The following ZSWIM3 variants were observed in gnomAD, a reference collection of about 807,000 sequenced individuals.
ZSWIM3 encodes zinc finger SWIM domain-containing protein 3.
In ZSWIM3, 27 loss-of-function variants were observed where a neutral mutation model predicts 47.5. The ratio of observed to expected loss-of-function variants is 0.57; its 90% CI spans 0.42 to 0.78. The LOEUF (loss-of-function observed/expected upper bound fraction) is 0.78, where lower values mean the gene tolerates loss of function less well. Among genes scored for constraint, ZSWIM3 ranks in the 30% least tolerant of loss-of-function variants. ZSWIM3 has a pLI of 0.00. For synonymous variants in ZSWIM3, 333 were observed against 333.9 expected (o/e 1.00, Z 0.03); for missense variants, 689 against 861.3 (o/e 0.80, Z 2.50).
Position 45,872,543 on chromosome 20 carries a change from C to T in ZSWIM3, c.156-4171C>T. ...AGAAAAGATAATGGGTGCACGTAGT[C>T]CTGAAGGATGAGCAAGGCTTGCGAG... On this transcript the variant is annotated intron_variant, in intron 1 of 1. Transcript: ENST00000255152. 5 of 399,690 alleles carry T rather than the reference C, an allele frequency of 1.3e-5. 1 individual carries two copies. The highest frequency in any genetic ancestry group is 1.0e-4 in the South Asian group (5 of 49,110). The allele number at this position is 399,690 out of a possible 1,614,324, so 24.8% of individuals were successfully genotyped here.
intron 1 of ZSWIM3, among the ~76,000 whole-genome samples, chr20:45,869,002 A>G (rs946854411): frequency 2.1e-4 from 32 of 150,908 alleles, no homozygotes; most frequent in South Asian, 1.0e-3. Context: ...GGGTTTCACC[A>G]TGTTGGTCAG....
Position 45,878,556 on chromosome 20 carries a change from A to G in ZSWIM3, c.1998A>G (p.Gly666=), listed in dbSNP as rs148099263. The change falls in exon 2 of 2, where the codon GGA becomes GGG. Residue 666 remains glycine, a synonymous_variant. Transcript: ENST00000255152. ...CATCTGAGCTCTTTCAGCAGCCAGGAGACTTTAAGGACGTGGGCCGCCTCC... is the reference window on the plus strand; with the variant it reads ...CATCTGAGCTCTTTCAGCAGCCAGGGGACTTTAAGGACGTGGGCCGCCTCC... ...SQPSELFQQP[G]DFKDVGRLPF... is the part of the protein sequence containing the mutation. 1.9e-6 allele frequency: 3 copies of G among 1,614,186 alleles called. No individual in the cohort carries two copies. Among genetic ancestry groups the G allele is most frequent in the Admixed American group, 1.7e-5 (1 of 60,028 alleles).
chr20:45,862,787 C>A (rs1207486707), intron 1 of ZSWIM3, among the ~76,000 whole-genome samples: 5 of 152,174 alleles, frequency 3.3e-5, no homozygotes, highest in African/African-American at 7.2e-5. Flanking sequence ...GTGCCACGCC[C>A]AGCCTATGTA....
Position 45,876,980 on chromosome 20 carries a change from C to T in ZSWIM3, c.422C>T (p.Ala141Val). Reference protein sequence around the residue: ...QPTTKKDLDTAEKSLVEPSFC... With the variant: ...QPTTKKDLDTVEKSLVEPSFC... ...ACAACCAAAAAAGACCTTGACACTG[C>T]CGAGAAGTCCCTGGTTGAGCCATCG... The change falls in exon 2 of 2, where the codon GCC becomes GTC. Residue 141 changes from alanine (A) to valine (V), a missense_variant. By Grantham distance (64) the Ala-to-Val change is moderately conservative. Transcript: ENST00000255152. 1.9e-6 allele frequency: 3 copies of T among 1,614,110 alleles called. No individual in the cohort carries two copies. The highest frequency in any genetic ancestry group is 2.5e-6 in the Non-Finnish European group (3 of 1,180,036).
chr20:45,873,401 C>CAA (rs1318938457), intron 1 of ZSWIM3, among the ~76,000 whole-genome samples: 32 of 145,800 alleles, frequency 2.2e-4, no homozygotes, highest in Non-Finnish European at 3.9e-4. Context: ...AACGCCATCT[C>CAA]AAAAAAAAAA....
Position 45,873,124 on chromosome 20 carries a change from G to A in ZSWIM3, c.156-3590G>A, listed in dbSNP as rs866320579. On this transcript the variant is annotated intron_variant, in intron 1 of 1. Coordinates refer to ENST00000255152, the MANE Select transcript of ZSWIM3 (RefSeq NM_080752.4). ...ATCATCCATAAGCATCTGCTGAGCC[G>A]GGCGCAGTTGCTCACGCCTGTAATC... is the stretch of plus-strand genomic sequence containing the variant. Among the ~76,000 whole-genome samples, 10 of 151,958 alleles carry A rather than the reference G, an allele frequency of 6.6e-5. 1 individual carries two copies. Among genetic ancestry groups the A allele is most frequent in the African/African-American group, 1.2e-4 (5 of 41,382 alleles).
intron 1 of ZSWIM3, among the ~76,000 whole-genome samples, chr20:45,861,467 G>A (rs1321411162): frequency 6.6e-6 from 1 of 151,486 alleles, no homozygotes; most frequent in Non-Finnish European, 1.5e-5. Context: ...ATGTTTGCAC[G>A]CACATACAAA....
At chr20:45,870,051 AAAAAAAAAAAAAG>A (rs1394058231) in intron 1 of ZSWIM3, among the ~76,000 whole-genome samples, 1 of 149,744 alleles carries the variant, frequency 6.7e-6, no homozygotes, top group Non-Finnish European at 1.5e-5. Context: ...CTCAAGAAAA[AAAAAAAAAAAAAG>A]AAAAGGCCAA....
chr20:45,878,785 A>G lies in ZSWIM3; in HGVS notation c.*136A>G. ...GGGGCTAGGAATATTGTTACAGTAG[A>G]GAGGAAGGGAACTCCACTGTGTGAC... On this transcript the variant is annotated 3_prime_UTR_variant, in exon 2 of 2. Coordinates refer to ENST00000255152, the MANE Select transcript of ZSWIM3 (RefSeq NM_080752.4). 8.7e-7 allele frequency: 1 copy of G among 1,147,410 alleles called. No homozygotes were observed. Among genetic ancestry groups the G allele is most frequent in the Non-Finnish European group, 1.2e-6 (1 of 833,854 alleles). The allele number at this position is 1,147,410 out of a possible 1,614,324, so 71.1% of individuals were successfully genotyped here.
intron 1 of ZSWIM3, chr20:45,872,810 A>C (rs1311826387): frequency 6.2e-6 from 8 of 1,288,710 alleles, no homozygotes; most frequent in Non-Finnish European, 8.1e-6. Context: ...CCACCCCCGC[A>C]CTGTGCACAC....
In ZSWIM3 at chr20:45,877,893, G is replaced by A. The variant is rs752422846; in HGVS notation, c.1335G>A (p.Arg445=). The part of the protein sequence containing the change: ...PTPPPKLKRA[R]PASMPLKSKK... ...CTCCTCCCAAATTAAAGAGAGCTCG[G>A]CCGGCAAGCATGCCACTGAAGTCCA... The change falls in exon 2 of 2, where the codon CGG becomes CGA. Residue 445 remains arginine (R), a synonymous_variant. Transcript: ENST00000255152. 7.4e-5 allele frequency: 119 copies of A among 1,614,038 alleles called. No individual in the cohort carries two copies. Among genetic ancestry groups the A allele is most frequent in the Admixed American group, 2.7e-4 (16 of 59,990 alleles).
rs538127136 is a variant in ZSWIM3 at position 45,860,730 on chromosome 20, T to G, written c.155+2750T>G. 1.9e-3 allele frequency among the ~76,000 whole-genome samples: 290 copies of G among 152,188 alleles called. 2 individuals are homozygous for G. Among genetic ancestry groups the G allele is most frequent in the Non-Finnish European group, 3.7e-3 (249 of 67,990 alleles). On this transcript the variant is annotated intron_variant, in intron 1 of 1. Coordinates refer to ENST00000255152, the MANE Select transcript of ZSWIM3 (RefSeq NM_080752.4). ...CTTTTAAGGATCCTTGTGATTATAT[T>G]GGGCCCACCCAGATAATCCCAGATA...
At position 45,877,830 on chromosome 20, in the gene ZSWIM3, C is replaced by T; in HGVS notation, c.1272C>T (p.Asp424=). The T allele has an allele frequency of 6.2e-7, 1 of 1,614,200 alleles. No homozygotes were observed. The highest frequency in any genetic ancestry group is 1.1e-5 in the South Asian group (1 of 91,086). Residue 424 remains aspartate (D), a synonymous_variant, in exon 2 of 2, where the codon GAC becomes GAT. Coordinates refer to ENST00000255152, the MANE Select transcript of ZSWIM3 (RefSeq NM_080752.4). ...TCCTCTGCTTTGTGGATTACATAGA[C>T]TTCTTTAATACCAAAGGCTTGAAGA... The part of the protein sequence containing the change: ...DCILCFVDYI[D]FFNTKGLKNL...
At chr20:45,860,239 G>C (rs6073932) in intron 1 of ZSWIM3, among the ~76,000 whole-genome samples, 2,138 of 152,268 alleles carry the variant, frequency 0.014, 26 homozygotes, top group Admixed American at 0.021. Context: ...TTCCCGCCGG[G>C]TGCAGTGGCT....
At chr20:45,859,818 C>T (rs1018027059) in intron 1 of ZSWIM3, among the ~76,000 whole-genome samples, 1 of 141,466 alleles carries the variant, frequency 7.1e-6, no homozygotes, top group African/African-American at 2.7e-5. Context: ...AAAAAAAAAC[C>T]ACAGTTGCCC....
rs1182791325 is a variant in ZSWIM3 at position 45,878,946 on chromosome 20, T to C, written c.*297T>C. The C allele has an allele frequency of 3.0e-6, 1 of 334,308 alleles. No individual in the cohort carries two copies. Among genetic ancestry groups the C allele is most frequent in the African/African-American group, 2.1e-5 (1 of 48,012 alleles). 20.7% of individuals were successfully genotyped at this position (334,308 alleles called of 1,614,324 possible). A position where few individuals can be genotyped will look rare whatever the true frequency, so the allele number is the denominator to read the frequency against. On this transcript the variant is annotated 3_prime_UTR_variant, in exon 2 of 2. Transcript: ENST00000255152. The stretch of plus-strand genomic sequence containing the variant: ...CCCAGCCCCTGAGATCAGATCTTAT[T>C]TGCTCTGCAAAGATGAATCCCTGCC...
At chr20:45,859,191 C>A (rs183732048) in intron 1 of ZSWIM3, among the ~76,000 whole-genome samples, 29 of 152,142 alleles carry the variant, frequency 1.9e-4, no homozygotes, top group Admixed American at 6.6e-4. Context: ...TCAGAGCATG[C>A]GGGCCAACTC....
Position 45,878,529 on chromosome 20 carries a change from G to A in ZSWIM3, c.1971G>A (p.Gln657=). 6.2e-7 allele frequency: 1 copy of A among 1,614,184 alleles called. No individual in the cohort carries two copies. Among genetic ancestry groups the A allele is most frequent in the African/African-American group, 1.3e-5 (1 of 75,058 alleles). ...KIVDIWAGPS[Q]PSELFQQPGD... is the part of the protein sequence containing the mutation. ...TGGATATCTGGGCTGGCCCCTCCCA[G>A]CCATCTGAGCTCTTTCAGCAGCCAG... is the stretch of plus-strand genomic sequence containing the variant. Residue 657 remains glutamine, a synonymous_variant, in exon 2 of 2, where the codon CAG becomes CAA. Transcript: ENST00000255152.
At chr20:45,876,349 G>T (rs1986092694) in intron 1 of ZSWIM3, among the ~76,000 whole-genome samples, 1 of 144,052 alleles carries the variant, frequency 6.9e-6, no homozygotes, top group African/African-American at 2.6e-5. Context: ...CCAGCTGTTT[G>T]TTTTTTTGAG....
Sources: gnomAD v4.1 joint callset for allele counts (sites outside exome capture counted in the v4.1 genomes callset) on GRCh38, gnomAD v4.1.1 for gene constraint, MANE v1.5 for transcripts, NCBI Gene and HGNC (gene_info 2026-07-23, HGNC 2026-07-21) for gene names.